The following MSH6 variants were observed in gnomAD, a reference collection of about 807,000 sequenced individuals.
MSH6 encodes the protein DNA mismatch repair protein Msh6.
Under a neutral mutation model 119.1 loss-of-function variants are expected in MSH6, and 85 were observed. The ratio of observed to expected loss-of-function variants is 0.71; its 90% CI spans 0.60 to 0.85. The LOEUF (loss-of-function observed/expected upper bound fraction) is 0.85. Ranked by LOEUF, MSH6 falls within the 40% of genes least tolerant of loss-of-function variation. The pLI, the probability that MSH6 is intolerant of heterozygous loss-of-function variation, is 0.00. For missense variants in MSH6, 2,163 were observed against 1,655.3 expected (o/e 1.31, Z -5.32); for synonymous variants, 830 against 586.9 (o/e 1.41, Z -5.99).
At chr2:47,808,114 GA>G, downstream of MSH6, 1 of 1,600,186 alleles carries the variant, frequency 6.2e-7, no homozygotes, top group Non-Finnish European at 8.5e-7. Flanking sequence ...TTTAGGGAAG[GA>G]ATTCAGTTGT....
downstream of MSH6, chr2:47,809,565 G>A (rs749713463): frequency 2.1e-6 from 3 of 1,409,326 alleles, no homozygotes; most frequent in Admixed American, 5.5e-5. Context: ...ATGGCATATT[G>A]CATATATTTA....
chr2:47,788,246 CTTTTTT>C (rs560110301), intron 1 of MSH6, among the ~76,000 whole-genome samples: 4 of 90,052 alleles, frequency 4.4e-5, no homozygotes, highest in South Asian at 7.7e-4. Context: ...TTCTTTCTTT[CTTTTTT>C]TTTTTTTTTT....
At chr2:47,803,037 G>A (rs979385936) in intron 4 of MSH6, among the ~76,000 whole-genome samples, 1 of 152,046 alleles carries the variant, frequency 6.6e-6, no homozygotes, top group African/African-American at 2.4e-5. Flanking sequence ...TCAGCCTCCT[G>A]CGTAGCTGGG....
intron 4 of MSH6, 39 bp from the exon 5 acceptor site, chr2:47,803,381 C>G: frequency 1.2e-6 from 2 of 1,614,046 alleles, no homozygotes; most frequent in Admixed American, 1.7e-5. Context: ...ATAAAACCCC[C>G]AAACGATGAA....
chr2:47,795,420 T>TTGTG (rs1414815932), intron 2 of MSH6, among the ~76,000 whole-genome samples: 8 of 116,886 alleles, frequency 6.8e-5, no homozygotes, highest in Non-Finnish European at 1.0e-4. Flanking sequence ...ACAAGTTATT[T>TTGTG]TATGTGTGTG....
At chr2:47,807,976 T>G, downstream of MSH6, 1 of 742,534 alleles carries the variant, frequency 1.3e-6, no homozygotes, top group Non-Finnish European at 2.2e-6. Flanking sequence ...TAGCTTGAGC[T>G]TCATAGTGTC....
chr2:47,803,769 A>C, intron 5 of MSH6, 84 bp downstream of exon 5: 1 of 1,545,356 alleles, frequency 6.5e-7, no homozygotes, highest in Non-Finnish European at 8.9e-7. Flanking sequence ...TTCCAAACAC[A>C]GTTACATAAA....
chr2:47,787,015 A>T (rs530977116), intron 1 of MSH6, among the ~76,000 whole-genome samples: 1 of 152,178 alleles, frequency 6.6e-6, no homozygotes, highest in Non-Finnish European at 1.5e-5. Context: ...TAGTGTTTCT[A>T]TAGGTTTTAT....
At chr2:47,801,547 TGTAGAGA>T (rs1269588125) in intron 4 of MSH6, among the ~76,000 whole-genome samples, 1 of 151,872 alleles carries the variant, frequency 6.6e-6, no homozygotes, top group African/African-American at 2.4e-5. Context: ...TTTAAATGTT[TGTAGAGA>T]GATGGGGTCT....
chr2:47,804,636 T>C (rs1182206497), intron 5 of MSH6, among the ~76,000 whole-genome samples: 2 of 152,062 alleles, frequency 1.3e-5, no homozygotes, highest in Non-Finnish European at 2.9e-5. Context: ...TCCTAGGTGA[T>C]TCTATTCTGG....
intron 3 of MSH6, chr2:47,797,903 CAT>C (rs532063214): frequency 3.1e-4 from 69 of 222,890 alleles, no homozygotes; most frequent in Middle Eastern, 2.6e-3. Context: ...GGATTTTGCA[CAT>C]GAGCTCAAAC....
chr2:47,801,096 A>G lies in MSH6; in HGVS notation c.3113A>G (p.Tyr1038Cys), dbSNP rs773357672. ...AAGGACTGCATGCGGCGACTGTTCT[A>G]TAACTTTGATAAAAATTACAAGGAC... ...SLKDCMRRLF[Y>C]NFDKNYKDWQ... is the part of the protein sequence containing the mutation. The change falls in exon 4 of 10, where the codon TAT becomes TGT. Residue 1038 changes from tyrosine to cysteine, a missense_variant. By Grantham distance (194) the Tyr-to-Cys change is radical. Transcript: ENST00000234420. 17 of 1,612,892 alleles carry G rather than the reference A, an allele frequency of 1.1e-5. No homozygotes were observed. The highest frequency in any genetic ancestry group is 1.3e-5 in the African/African-American group (1 of 75,016).
chr2:47,784,497 C>T (rs1668225746), intron 1 of MSH6: 1 of 152,018 alleles, frequency 6.6e-6, no homozygotes, highest in South Asian at 2.1e-4. Context: ...GAGAGTTTCG[C>T]TCAAGTCCAG....
At chr2:47,786,575 C>G (rs898026350) in intron 1 of MSH6, among the ~76,000 whole-genome samples, 1 of 152,094 alleles carries the variant, frequency 6.6e-6, no homozygotes, top group Admixed American at 6.6e-5. Flanking sequence ...CTCAGGTGAT[C>G]CACCCACCTC....
intron 4 of MSH6, among the ~76,000 whole-genome samples, chr2:47,802,359 G>A (rs748322410): frequency 6.6e-6 from 1 of 151,942 alleles, no homozygotes; most frequent in South Asian, 2.1e-4. Flanking sequence ...TTTTAGAGAC[G>A]GGGTCTTGCT....
At position 47,799,264 on chromosome 2, in the gene MSH6, C is replaced by T. The variant is rs1553412720; in HGVS notation, c.1281C>T (p.Tyr427=). Residue 427 remains tyrosine, a synonymous_variant, in exon 4 of 10, where the codon TAC becomes TAT. Coordinates refer to ENST00000234420, the MANE Select transcript of MSH6 (RefSeq NM_000179.3). Reference sequence around the variant, plus strand: ...AGAACTTTGATCTTGTCATCTGTTACAAGGTGGGGAAATTTTATGAGCTGT... The same window carrying T: ...AGAACTTTGATCTTGTCATCTGTTATAAGGTGGGGAAATTTTATGAGCTGT... The part of the protein sequence containing the change: ...KSQNFDLVIC[Y]KVGKFYELYH... 6.2e-7 allele frequency: 1 copy of T among 1,614,034 alleles called. No individual in the cohort carries two copies. The highest frequency in any genetic ancestry group is 8.5e-7 in the Non-Finnish European group (1 of 1,180,004).
At chr2:47,798,288 TATG>T (rs1669217735) in intron 3 of MSH6, among the ~76,000 whole-genome samples, 1 of 152,194 alleles carries the variant, frequency 6.6e-6, no homozygotes, top group Non-Finnish European at 1.5e-5. Flanking sequence ...ATCCACAACT[TATG>T]ATGGGGTTAC....
intron 1 of MSH6, 33 bp downstream of exon 1, chr2:47,783,526 G>T (rs1427167815): frequency 5.7e-6 from 8 of 1,410,052 alleles, no homozygotes; most frequent in African/African-American, 3.0e-5. Flanking sequence ...GAAGGCGGGG[G>T]CATAGCGGCG....
chr2:47,783,724 CA>C (rs1668159486), intron 1 of MSH6: 9 of 496,290 alleles, frequency 1.8e-5, no homozygotes, highest in Non-Finnish European at 2.9e-5. Context: ...AAGAGGGCTG[CA>C]GGGGAGACGC....
Sources: gnomAD v4.1 joint callset for allele counts (sites outside exome capture counted in the v4.1 genomes callset) on GRCh38, gnomAD v4.1.1 for gene constraint, MANE v1.5 for transcripts, NCBI Gene and HGNC (gene_info 2026-07-23, HGNC 2026-07-21) for gene names.